PHF24: variants seen among roughly 807,000 people sequenced by gnomAD.
PHF24 encodes Galpha inhibitory interacting protein.
PHF24 carries 25 observed loss-of-function variants against 42.6 expected under a neutral mutation model. The ratio of observed to expected loss-of-function variants is 0.59; its 90% CI spans 0.43 to 0.82. PHF24 has a LOEUF of 0.82. Ranked by LOEUF, PHF24 falls within the 40% of genes least tolerant of loss-of-function variation. The pLI, the probability that PHF24 is intolerant of heterozygous loss-of-function variation, is 0.00. For synonymous variants in PHF24, 185 were observed against 204.8 expected, an observed-to-expected ratio of 0.90 and a Z score of 0.83; for missense variants, 470 against 538.1, an observed-to-expected ratio of 0.87 and a Z score of 1.25.
upstream of PHF24, among the ~76,000 whole-genome samples, chr9:34,955,227 A>T (rs1175204558): frequency 2.6e-5 from 4 of 152,202 alleles, no homozygotes; most frequent in African/African-American, 9.7e-5. Context: ...CGTATTTGTC[A>T]ATCTTATAAG....
chr9:34,666,626 C>T, the PHF24 span, among the ~76,000 whole-genome samples: 3,110 of 148,294 alleles, frequency 0.021, 107 homozygotes, highest in African/African-American at 0.074. Context: ...GTGTCAGGCA[C>T]TGTGCTGGGC....
the PHF24 span, among the ~76,000 whole-genome samples, chr9:34,942,823 G>A: frequency 6.6e-6 from 1 of 152,006 alleles, no homozygotes; most frequent in Non-Finnish European, 1.5e-5. Context: ...CCAAAGGCGG[G>A]GAACATCACA....
chr9:34,865,143 C>CAA, the PHF24 span, among the ~76,000 whole-genome samples: 1,386 of 102,498 alleles, frequency 0.014, 26 homozygotes, highest in African/African-American at 0.024. Flanking sequence ...TGCGCCACTG[C>CAA]AAAAAAAAAA....
the PHF24 span, among the ~76,000 whole-genome samples, chr9:34,671,875 C>A: frequency 6.6e-6 from 1 of 152,136 alleles, no homozygotes; most frequent in Non-Finnish European, 1.5e-5. Context: ...GTCTACTCAT[C>A]TTTATCTCTT....
the PHF24 span, among the ~76,000 whole-genome samples, chr9:34,926,192 T>C: frequency 3.3e-5 from 5 of 152,324 alleles, no homozygotes; most frequent in East Asian, 5.8e-4. The surrounding 1 kb of genome is among the most constrained non-coding windows in gnomAD (Gnocchi z 4.3). Context: ...ATATGGTGAG[T>C]TGGCCAACTT....
chr9:34,736,391 C>T, the PHF24 span, among the ~76,000 whole-genome samples: 1 of 152,254 alleles, frequency 6.6e-6, no homozygotes, highest in African/African-American at 2.4e-5. Flanking sequence ...ACTGTAGCCT[C>T]GACCTCTCAG....
the PHF24 span, chr9:34,837,598 G>A: frequency 7.4e-7 from 1 of 1,343,116 alleles, no homozygotes; most frequent in Non-Finnish European, 1.0e-6. Context: ...AGAGGGACAG[G>A]ATTCATAGGA....
the PHF24 span, among the ~76,000 whole-genome samples, chr9:34,853,073 A>G: frequency 1.3e-5 from 2 of 152,218 alleles, no homozygotes; most frequent in Admixed American, 1.3e-4. Flanking sequence ...GCTTTTGCCC[A>G]TTCAGCCTAA....
At chr9:34,874,149 A>T in the PHF24 span, among the ~76,000 whole-genome samples, 1 of 152,170 alleles carries the variant, frequency 6.6e-6, no homozygotes, top group Non-Finnish European at 1.5e-5. Context: ...AAACAGGGAC[A>T]ATTGGACTTC....
At chr9:34,759,524 C>T in the PHF24 span, among the ~76,000 whole-genome samples, 1 of 152,058 alleles carries the variant, frequency 6.6e-6, no homozygotes, top group Non-Finnish European at 1.5e-5. Flanking sequence ...TTCAGCCATC[C>T]CCAGAATCCT....
the PHF24 span, among the ~76,000 whole-genome samples, chr9:34,674,336 T>A: frequency 6.6e-6 from 1 of 152,240 alleles, no homozygotes; most frequent in Non-Finnish European, 1.5e-5. Flanking sequence ...TCTCTGACCA[T>A]CTTTCAATGC....
the PHF24 span, among the ~76,000 whole-genome samples, chr9:34,907,810 GTTTTGTT>G: frequency 4.4e-4 from 66 of 150,962 alleles, no homozygotes; most frequent in African/African-American, 1.2e-3. Context: ...TAGTTTTGGG[GTTTTGTT>G]TTTTGTTTTT....
chr9:34,734,524 A>G, the PHF24 span, among the ~76,000 whole-genome samples: 2 of 152,184 alleles, frequency 1.3e-5, no homozygotes, highest in African/African-American at 4.8e-5. Context: ...TCTCTTCCCT[A>G]TGGAAACAAA....
At chr9:34,743,376 G>T in the PHF24 span, among the ~76,000 whole-genome samples, 1 of 152,204 alleles carries the variant, frequency 6.6e-6, no homozygotes, top group Non-Finnish European at 1.5e-5. Context: ...CACAGAAAGG[G>T]TTAACCCCTC....
At chr9:34,956,644 A>G (rs1020685020), upstream of PHF24, among the ~76,000 whole-genome samples, 1 of 152,262 alleles carries the variant, frequency 6.6e-6, no homozygotes, top group Non-Finnish European at 1.5e-5. Context: ...AGCCCATCAG[A>G]CAGCCTAGAA....
the PHF24 span, chr9:34,832,731 A>G: frequency 6.5e-7 from 1 of 1,548,140 alleles, no homozygotes; most frequent in African/African-American, 1.4e-5. Context: ...CAGCCCATGT[A>G]AAACTTGGCA....
the PHF24 span, among the ~76,000 whole-genome samples, chr9:34,853,784 C>G: frequency 6.9e-6 from 1 of 145,938 alleles, no homozygotes; most frequent in African/African-American, 2.6e-5. Context: ...GCCGAGATCC[C>G]GCCACTGCAC....
chr9:34,977,330 C>T (rs1452316656), intron 6 of PHF24, 87 bp downstream of exon 6: 8 of 1,468,460 alleles, frequency 5.4e-6, no homozygotes, highest in Non-Finnish European at 7.4e-6. Context: ...CCCTGCTCCC[C>T]CTGCCAACAG....
the PHF24 span, among the ~76,000 whole-genome samples, chr9:34,700,472 A>G: frequency 6.6e-6 from 1 of 152,184 alleles, no homozygotes; most frequent in Non-Finnish European, 1.5e-5. Context: ...AGAGGAGAGA[A>G]TACTGCAAAA....
Sources: allele counts gnomAD v4.1 joint callset (sites outside exome capture counted in the v4.1 genomes callset), GRCh38; gene constraint gnomAD v4.1.1; non-coding constraint Gnocchi (gnomAD v3.1); transcripts MANE v1.5; gene names NCBI Gene and HGNC (gene_info 2026-07-23, HGNC 2026-07-21).